The following EPB41L4A variants were observed in gnomAD, a reference collection of about 807,000 sequenced individuals.
The protein encoded by EPB41L4A is erythrocyte membrane protein band 4.1 like 4A.
A neutral mutation model predicts 108.6 loss-of-function variants in EPB41L4A; 100 were observed. The ratio of observed to expected loss-of-function variants is 0.92; its 90% CI spans 0.78 to 1.09. EPB41L4A has a LOEUF of 1.09. Ranked by LOEUF, EPB41L4A falls within the 50% of genes least tolerant of loss-of-function variation. The pLI is 0.00. For synonymous variants in EPB41L4A, 319 were observed against 289.0 expected (o/e 1.10, Z -1.05); for missense variants, 1,030 against 842.7 (o/e 1.22, Z -2.75).
intron 4 of EPB41L4A, among the ~76,000 whole-genome samples, chr5:112,272,376 C>T (rs910236707): frequency 6.6e-6 from 1 of 151,662 alleles, no homozygotes; most frequent in African/African-American, 2.4e-5. Context: ...CTCCTGACCT[C>T]GTGATCTGCC....
At chr5:112,329,560 T>C (rs1023523441) in intron 1 of EPB41L4A, among the ~76,000 whole-genome samples, 2 of 152,180 alleles carry the variant, frequency 1.3e-5, no homozygotes, top group African/African-American at 4.8e-5. Context: ...TACCAAGTCA[T>C]CATTTTAAAC....
chr5:112,152,955 A>T (rs1759523403), intron 12 of EPB41L4A, among the ~76,000 whole-genome samples: 1 of 152,264 alleles, frequency 6.6e-6, no homozygotes, highest in African/African-American at 2.4e-5. Flanking sequence ...GCAGTGGCTC[A>T]TGCCTGTAAT....
In EPB41L4A at chr5:112,266,258, A is replaced by G. The variant is rs1751847497; in HGVS notation, c.408T>C (p.Ala136=). The G allele has an allele frequency of 1.9e-6, 3 of 1,610,954 alleles. No homozygotes were observed. Among genetic ancestry groups the G allele is most frequent in the Middle Eastern group, 1.7e-4 (1 of 6,046 alleles). Residue 136 remains alanine (A), a synonymous_variant, in exon 5 of 23, where the codon GCT becomes GCC. Transcript: ENST00000261486. Reference sequence around the variant, plus strand: ...ACTGGATGGCATACGCTCCCAGCTGAGCAGCAGTGTTGACGGGACAGGGCA... The same window carrying G: ...ACTGGATGGCATACGCTCCCAGCTGGGCAGCAGTGTTGACGGGACAGGGCA... The part of the protein sequence containing the change: ...GRLPCPVNTA[A]QLGAYAIQSE...
intron 1 of EPB41L4A, among the ~76,000 whole-genome samples, chr5:112,390,578 C>G (rs555072310): frequency 6.6e-6 from 1 of 152,144 alleles, no homozygotes; most frequent in Non-Finnish European, 1.5e-5. Context: ...TGCAGCTCAA[C>G]GAGGCCAGCG....
intron 12 of EPB41L4A, among the ~76,000 whole-genome samples, chr5:112,220,893 G>A (rs1176322658): frequency 1.3e-5 from 2 of 152,100 alleles, no homozygotes; most frequent in Admixed American, 1.3e-4. Flanking sequence ...ACCAACCTTT[G>A]CTAAGCCCCC....
intron 18 of EPB41L4A, among the ~76,000 whole-genome samples, chr5:112,180,355 G>A (rs557980514): frequency 5.3e-4 from 81 of 152,234 alleles, no homozygotes; most frequent in Non-Finnish European, 9.0e-4. Context: ...TACAGTAACC[G>A]AGACAACATG....
chr5:112,283,496 G>A (rs1561538697), intron 2 of EPB41L4A, among the ~76,000 whole-genome samples: 1 of 152,192 alleles, frequency 6.6e-6, no homozygotes, highest in Non-Finnish European at 1.5e-5. Flanking sequence ...GAAGATCAGA[G>A]TGAAACACAG....
chr5:112,266,536 G>A (rs768138024), intron 4 of EPB41L4A, among the ~76,000 whole-genome samples: 3 of 152,106 alleles, frequency 2.0e-5, no homozygotes, highest in African/African-American at 4.8e-5. Flanking sequence ...TAAAAAGTGC[G>A]GCTTTCAAGT....
chr5:112,341,899 C>T (rs531677969), intron 1 of EPB41L4A, among the ~76,000 whole-genome samples: 31 of 152,172 alleles, frequency 2.0e-4, no homozygotes, highest in Admixed American at 1.2e-3. Context: ...AATCCCAAAT[C>T]CTATATATAA....
intron 1 of EPB41L4A, among the ~76,000 whole-genome samples, chr5:112,393,287 T>G (rs936076833): frequency 2.0e-5 from 3 of 152,016 alleles, no homozygotes; most frequent in Non-Finnish European, 4.4e-5. Context: ...CATCAAAAAA[T>G]TAATGAATCC....
chr5:112,243,847 G>A (rs1185954224), intron 9 of EPB41L4A, among the ~76,000 whole-genome samples: 1 of 152,198 alleles, frequency 6.6e-6, no homozygotes, highest in Non-Finnish European at 1.5e-5. Flanking sequence ...TTGGTTTAAG[G>A]AAATGCTGCA....
At chr5:112,367,369 C>G (rs1293651653) in intron 1 of EPB41L4A, among the ~76,000 whole-genome samples, 3 of 152,204 alleles carry the variant, frequency 2.0e-5, no homozygotes, top group African/African-American at 7.2e-5. Context: ...AACCTCTTGT[C>G]TCCAAGACCT....
intron 13 of EPB41L4A, 34 bp downstream of exon 13, chr5:112,209,858 A>G: frequency 7.5e-7 from 1 of 1,341,910 alleles, no homozygotes; most frequent in African/African-American, 1.4e-5. Context: ...ACAACAGCAT[A>G]TAATTGTACG....
chr5:112,359,829 T>C (rs447144), intron 1 of EPB41L4A, among the ~76,000 whole-genome samples: 101,176 of 151,924 alleles, frequency 0.67, 33,862 homozygotes, highest in South Asian at 0.82. Flanking sequence ...CGTGAGCCAC[T>C]GTGCCCAGCC....
At chr5:112,271,042 G>A (rs1278736094) in intron 4 of EPB41L4A, among the ~76,000 whole-genome samples, 1 of 152,042 alleles carries the variant, frequency 6.6e-6, no homozygotes, top group Non-Finnish European at 1.5e-5. Flanking sequence ...TTCTCTCTTC[G>A]GGCAGACTGA....
chr5:112,271,634 T>C (rs1463099623), intron 4 of EPB41L4A, among the ~76,000 whole-genome samples: 2 of 152,226 alleles, frequency 1.3e-5, no homozygotes, highest in Admixed American at 6.5e-5. Flanking sequence ...ATCTGGAAGA[T>C]ACAGAGCTAT....
chr5:112,241,901 G>C (rs1749809346), intron 9 of EPB41L4A, among the ~76,000 whole-genome samples: 1 of 152,092 alleles, frequency 6.6e-6, no homozygotes, highest in Non-Finnish European at 1.5e-5. Context: ...ACATTACACT[G>C]TAGTCTATTA....
intron 2 of EPB41L4A, among the ~76,000 whole-genome samples, chr5:112,288,062 A>G (rs1283473703): frequency 1.3e-5 from 2 of 152,238 alleles, no homozygotes; most frequent in Admixed American, 1.3e-4. Context: ...TTCTGGGCAA[A>G]GAATGAATCC....
chr5:112,283,840 G>A (rs1753111379), intron 2 of EPB41L4A, among the ~76,000 whole-genome samples: 2 of 152,124 alleles, frequency 1.3e-5, no homozygotes, highest in East Asian at 3.9e-4. Context: ...TATATAAGAT[G>A]AATACATATG....
Sources: gnomAD v4.1 joint callset for allele counts (sites outside exome capture counted in the v4.1 genomes callset) on GRCh38, gnomAD v4.1.1 for gene constraint, MANE v1.5 for transcripts, NCBI Gene and HGNC (gene_info 2026-07-23, HGNC 2026-07-21) for gene names.